The following DPP7 variants were observed in gnomAD, a reference collection of about 807,000 sequenced individuals.
DPP7 encodes dipeptidyl peptidase 7, also known as dipeptidyl peptidase 2.
A neutral mutation model predicts 58.8 loss-of-function variants in DPP7; 74 were observed. The ratio of observed to expected loss-of-function variants is 1.26; its 90% CI spans 1.04 to 1.53. DPP7 has a LOEUF of 1.53. Among genes scored for constraint, DPP7 ranks in the 40% most tolerant of loss-of-function variants. The pLI is 0.00. For synonymous variants in DPP7, 350 were observed against 303.6 expected (o/e 1.15, Z -1.59); for missense variants, 807 against 692.3 (o/e 1.17, Z -1.86).
rs1831458866 is a variant in DPP7 at position 137,113,113 on chromosome 9, TCGTA to T, written c.706_709del (p.Tyr236ThrfsTer19). 1.2e-6 allele frequency: 2 copies of T among 1,613,602 alleles called. No individual in the cohort carries two copies. Among genetic ancestry groups the T allele is most frequent in the Non-Finnish European group, 1.7e-6 (2 of 1,179,998 alleles). On this transcript the variant is annotated frameshift_variant and splice_region_variant, in exon 7 of 13. Transcript: ENST00000371579. LOFTEE classifies it high-confidence loss of function. ...GGTGCCGAACTCCCAGCGGACCGTG[TCGTA>T]GGCTGCGTGGAAGGGGCAGAGACTT...
rs772477376 is a variant in DPP7, at chr9:137,113,362, G to A, written c.620C>T (p.Ala207Val). 7 of 1,611,412 alleles carry A rather than the reference G, an allele frequency of 4.3e-6. No homozygotes were observed. The highest frequency in any genetic ancestry group is 1.1e-5 in the South Asian group (1 of 91,056). Residue 207 changes from alanine to valine, a missense_variant and splice_region_variant, in exon 5 of 13, where the codon GCG (alanine) becomes GTG (valine). This residue lies in a region of DPP7 where 624 missense variants were observed against 531.2 expected (regional missense o/e 1.17). Coordinates refer to ENST00000371579, the MANE Select transcript of DPP7 (RefSeq NM_013379.3). Reference protein sequence around the residue: ...DSNQFFRDVTADFEGQSPKCT... With the variant: ...DSNQFFRDVTVDFEGQSPKCT... ...TGGAGGACCCCAAGCCTCACTCACC[G>A]CCGTGACGTCCCGGAAGAACTGGTT...
chr9:137,115,103 A>C, upstream of DPP7: 1 of 174,528 alleles, frequency 5.7e-6, no homozygotes, highest in Non-Finnish European at 1.2e-5. Context: ...CTGCTGCCCT[A>C]AGGGCGGGAG....
At position 137,114,005 on chromosome 9, in the gene DPP7, C is replaced by A; in HGVS notation, c.345G>T (p.Pro115=). The A allele has an allele frequency of 6.6e-7, 1 of 1,521,068 alleles. No individual in the cohort carries two copies. The allele number at this position is 1,521,068 out of a possible 1,614,324, so 94.2% of individuals were successfully genotyped here. A position where few individuals can be genotyped will look rare whatever the true frequency, so the allele number is the denominator to read the frequency against. The change falls in exon 4 of 13, where the codon CCG becomes CCT. Residue 115 remains proline, a synonymous_variant. Coordinates refer to ENST00000371579, the MANE Select transcript of DPP7 (RefSeq NM_013379.3). ...AEHRYYGKSL[P]FGAQSTQRGH... is the part of the protein sequence containing the mutation. ...CGCGCTGCGTGGACTGCGCACCGAA[C>A]GGCAGCGACTTCCCGTAGTAGCGCT...
At chr9:137,111,571 A>T (rs76046294) in intron 11 of DPP7, 119 bp downstream of exon 11, 1 of 1,121,226 alleles carries the variant, frequency 8.9e-7, no homozygotes, top group Admixed American at 2.2e-5. Context: ...CTCAGAGGTC[A>T]AGGCTGCAGT....
At chr9:137,115,867 G>T (rs1460205870), upstream of DPP7, among the ~76,000 whole-genome samples, 2 of 152,164 alleles carry the variant, frequency 1.3e-5, no homozygotes, top group Non-Finnish European at 2.9e-5. Context: ...GCTGCCTGCC[G>T]GGGCCCCCGC....
chr9:137,111,973 CG>C lies in DPP7; in HGVS notation c.1106del (p.Pro369ArgfsTer28). On this transcript the variant is annotated frameshift_variant, in exon 10 of 13. Transcript: ENST00000371579. LOFTEE classifies it high-confidence loss of function. Reference protein sequence around the residue: ...FASNNVTDMFPDLPFTDELRQ... With the variant: ...FASNNVTDMFXDLPFTDELRQ... ...GGAGCTCGTCAGTGAAGGGCAGGTC[CG>C]GGAACATATCGGTCACATTGTTGCT... The C allele has an allele frequency of 3.1e-6, 5 of 1,613,228 alleles. No homozygotes were observed. Among genetic ancestry groups the C allele is most frequent in the Non-Finnish European group, 3.4e-6 (4 of 1,179,722 alleles).
upstream of DPP7, among the ~76,000 whole-genome samples, chr9:137,117,097 C>T (rs148757063): frequency 1.3e-3 from 193 of 152,320 alleles, no homozygotes; most frequent in Non-Finnish European, 2.2e-3. Context: ...GCGGGTCCTC[C>T]GTATACTGAG....
chr9:137,116,077 C>A (rs1831629895), upstream of DPP7, among the ~76,000 whole-genome samples: 1 of 152,208 alleles, frequency 6.6e-6, no homozygotes, highest in African/African-American at 2.4e-5. Context: ...CACACCAGAG[C>A]CTGGAGACGC....
In DPP7 at chr9:137,111,694, C is replaced by A; in HGVS notation, c.1268G>T (p.Gly423Val). Residue 423 changes from glycine (G) to valine (V), a missense_variant, in exon 11 of 13, where the codon GGC (glycine) becomes GTC (valine). Transcript: ENST00000371579. ...AGGGCCCAGGCCAGGACTCACCCCG[C>A]CCCCTGCCCAGGGGTCCAGGTTCCC... ...SNGNLDPWAG[G>V]GIRRNLSASV... 1 of 1,613,372 alleles carries A rather than the reference C, an allele frequency of 6.2e-7. No homozygotes were observed. The highest frequency in any genetic ancestry group is 1.1e-5 in the South Asian group (1 of 91,068).
At chr9:137,111,027 G>A in intron 11 of DPP7, 77 bp from the exon 12 acceptor site, 1 of 1,419,964 alleles carries the variant, frequency 7.0e-7, no homozygotes. Context: ...TTGGAGAGGA[G>A]ACGTGAGAGG....
Position 137,113,456 on chromosome 9 carries a change from GATAC to G in DPP7, c.522_525del (p.Lys174AsnfsTer16), listed in dbSNP as rs759713563. 4.4e-6 allele frequency: 7 copies of G among 1,603,292 alleles called. No homozygotes were observed. Among genetic ancestry groups the G allele is most frequent in the African/African-American group, 1.3e-5 (1 of 74,606 alleles). ...GCCAGCGCCCCCGCCACCAGGTGGG[GATAC>G]TTCATCCTCAGGTAGGCACTGAGCA... On this transcript the variant is annotated frameshift_variant, in exon 5 of 13. Coordinates refer to ENST00000371579, the MANE Select transcript of DPP7 (RefSeq NM_013379.3). LOFTEE classifies it high-confidence loss of function.
In DPP7 at chr9:137,112,075, G is replaced by A. The variant is rs372625344; in HGVS notation, c.1050+37C>T. 2.5e-6 allele frequency: 4 copies of A among 1,611,956 alleles called. No homozygotes were observed. The African/African-American group carries it at 5.3e-5, about 22-fold the overall frequency. ...GTCAGGCCAGCCCACGCCCACCCTT[G>A]CCCCCGAGTGGTTCCAGGCCACCCA... On this transcript the variant is annotated intron_variant, in intron 9 of 12. Coordinates refer to ENST00000371579, the MANE Select transcript of DPP7 (RefSeq NM_013379.3).
At chr9:137,113,782 CAG>C (rs1831496380) in intron 4 of DPP7, 81 bp downstream of exon 4, 1 of 1,331,774 alleles carries the variant, frequency 7.5e-7, no homozygotes, top group African/African-American at 1.7e-5. Flanking sequence ...CGGTGGGAGT[CAG>C]AGGGGAGTGG....
chr9:137,112,223 G>C lies in DPP7; in HGVS notation c.939C>G (p.Val313=). Residue 313 remains valine (V), a synonymous_variant, in exon 9 of 13, where the codon GTC becomes GTG. Coordinates refer to ENST00000371579, the MANE Select transcript of DPP7 (RefSeq NM_013379.3). The stretch of plus-strand genomic sequence containing the variant: ...AGTGCTCGGAGCCCGAGGCGTTGTA[G>C]ACCAGCCCTGGGGAGGAGAGGCGCT... ...ITGLRALAGL[V]YNASGSEHCY... is the part of the protein sequence containing the mutation. The C allele has an allele frequency of 6.3e-7, 1 of 1,599,068 alleles. No individual in the cohort carries two copies.
chr9:137,110,848 C>T lies in DPP7; in HGVS notation c.1343+32G>A, dbSNP rs763818658. The T allele has an allele frequency of 5.0e-5, 80 of 1,605,144 alleles. No individual in the cohort carries two copies. The highest frequency in any genetic ancestry group is 1.6e-4 in the African/African-American group (12 of 74,756). The stretch of plus-strand genomic sequence containing the variant: ...CTCGGTGAGCCTGTCCCGCCCGACC[C>T]GCGACCACCGCCAGGCCACCTCCCT... On this transcript the variant is annotated intron_variant, in intron 12 of 12. Transcript: ENST00000371579.
chr9:137,111,513 G>A (rs1831363719), intron 11 of DPP7, among the ~76,000 whole-genome samples, 177 bp downstream of exon 11: 1 of 152,200 alleles, frequency 6.6e-6, no homozygotes, highest in Admixed American at 6.5e-5. Context: ...TAAATTAGCT[G>A]GGCATGTTGG....
chr9:137,111,553 G>A, intron 11 of DPP7, 137 bp downstream of exon 11: 1 of 919,412 alleles, frequency 1.1e-6, no homozygotes, highest in Non-Finnish European at 1.7e-6. Flanking sequence ...TTACTGGGAG[G>A]CTTGAGCCTC....
upstream of DPP7, among the ~76,000 whole-genome samples, chr9:137,116,777 C>T (rs1428635839): frequency 3.3e-5 from 5 of 152,156 alleles, no homozygotes; most frequent in East Asian, 1.9e-4. Flanking sequence ...GGAATGTCTC[C>T]GTGTAAAACC....
chr9:137,113,336 C>T, intron 5 of DPP7, 25 bp downstream of exon 5: 4 of 1,612,830 alleles, frequency 2.5e-6, no homozygotes, highest in Non-Finnish European at 3.4e-6. Context: ...CTTAGGGGGC[C>T]TGGAGGACCC....
Sources: allele counts gnomAD v4.1 joint callset (sites outside exome capture counted in the v4.1 genomes callset), GRCh38; gene constraint gnomAD v4.1.1; regional missense constraint gnomAD v4.1.1; transcripts MANE v1.5; gene names NCBI Gene and HGNC (gene_info 2026-07-23, HGNC 2026-07-21).